The following UMAD1 variants were observed in gnomAD, a reference collection of about 807,000 sequenced individuals.
The protein encoded by UMAD1 is UBAP1-MVB12-associated (UMA)-domain containing protein 1.
Under a neutral mutation model 6.1 loss-of-function variants are expected in UMAD1, and 8 were observed. The ratio of observed to expected loss-of-function variants is 1.30; its 90% confidence interval spans 0.76 to 2.35. UMAD1 has a LOEUF of 2.35. Among genes scored for constraint, UMAD1 ranks in the 30% most tolerant of loss-of-function variants. UMAD1 has a pLI of 0.00. For synonymous variants in UMAD1, 56 were observed against 31.4 expected (o/e 1.78, Z -2.61); for missense variants, 130 against 78.4 (o/e 1.66, Z -2.49).
chr7:7,822,486 C>G (rs187724907), intron 3 of UMAD1, among the ~76,000 whole-genome samples: 1 of 151,902 alleles, frequency 6.6e-6, no homozygotes, highest in Non-Finnish European at 1.5e-5. Context: ...AATGAGAGAG[C>G]GCTTTTTAAA....
At chr7:7,745,756 C>G (rs938763845) in intron 2 of UMAD1, among the ~76,000 whole-genome samples, 1 of 152,214 alleles carries the variant, frequency 6.6e-6, no homozygotes, top group African/African-American at 2.4e-5. Context: ...AAAAAGTAGT[C>G]TAGTACGATG....
chr7:7,836,223 A>G (rs1783567333), intron 3 of UMAD1, among the ~76,000 whole-genome samples: 3 of 152,098 alleles, frequency 2.0e-5, no homozygotes, highest in African/African-American at 7.2e-5. Context: ...TTAGTGGTAA[A>G]CGTGTTTACA....
At chr7:7,859,282 G>A (rs1196169316) in intron 3 of UMAD1, among the ~76,000 whole-genome samples, 5 of 152,080 alleles carry the variant, frequency 3.3e-5, no homozygotes, top group East Asian at 3.8e-4. Flanking sequence ...TTTTTAGGCC[G>A]TGCTTATGAG....
chr7:7,789,801 A>G (rs1782534311), intron 2 of UMAD1, among the ~76,000 whole-genome samples: 1 of 152,292 alleles, frequency 6.6e-6, no homozygotes, highest in African/African-American at 2.4e-5. Context: ...TTAAAGCTAA[A>G]TAATATTCTA....
At chr7:7,665,492 T>TGAC (rs1403187548) in intron 1 of UMAD1, among the ~76,000 whole-genome samples, 1 of 152,238 alleles carries the variant, frequency 6.6e-6, no homozygotes, top group Admixed American at 6.5e-5. Flanking sequence ...AACTTACATG[T>TGAC]GACATCTAAT....
rs539688857 is a variant in UMAD1 at position 7,745,522 on chromosome 7, T to C, written c.83-56148T>C. Among the ~76,000 whole-genome samples the C allele has an allele frequency of 3.3e-5, 5 of 150,136 alleles. No homozygotes were observed. In the South Asian group the frequency reaches 1.1e-3, roughly 32 times the overall value. ...AGGAAGCATTTATTTTGGTATCTGC[T>C]AATGTACTAGACACTGTGACCAACT... On this transcript the variant is annotated intron_variant, in intron 2 of 3. Transcript: ENST00000682710.
At chr7:7,760,034 A>G (rs1055241449) in intron 2 of UMAD1, among the ~76,000 whole-genome samples, 1 of 152,134 alleles carries the variant, frequency 6.6e-6, no homozygotes, top group Non-Finnish European at 1.5e-5. Flanking sequence ...CCTGGCTTAC[A>G]AGGGTCAGTT....
chr7:7,715,642 TGAAAATAAAGATCCACAAATTTCCA>T (rs201465082), intron 2 of UMAD1, among the ~76,000 whole-genome samples: 2 of 152,206 alleles, frequency 1.3e-5, no homozygotes, highest in East Asian at 3.9e-4. Flanking sequence ...TTTTTAAAAA[TGAAAATAAAGATCCACAAATTTCCA>T]GAAAAAAATG....
intron 3 of UMAD1, among the ~76,000 whole-genome samples, chr7:7,874,881 C>T (rs927777541): frequency 2.0e-5 from 3 of 152,202 alleles, no homozygotes; most frequent in South Asian, 2.1e-4. Flanking sequence ...CTGATCTGGG[C>T]GCTGGTTGCT....
At chr7:7,666,193 T>C (rs1779451425) in intron 1 of UMAD1, among the ~76,000 whole-genome samples, 1 of 142,954 alleles carries the variant, frequency 7.0e-6, no homozygotes. Flanking sequence ...TTTTTGTTTG[T>C]TTGTTTGTTT....
chr7:7,828,888 T>G (rs144725858), intron 3 of UMAD1, among the ~76,000 whole-genome samples: 1 of 152,308 alleles, frequency 6.6e-6, no homozygotes, highest in Non-Finnish European at 1.5e-5. Flanking sequence ...ATTCAAAAGT[T>G]TGAACTCTAT....
intron 2 of UMAD1, among the ~76,000 whole-genome samples, chr7:7,674,423 TA>T (rs1779687694): frequency 6.6e-6 from 1 of 152,234 alleles, no homozygotes; most frequent in African/African-American, 2.4e-5. Flanking sequence ...TTCTCGTGGA[TA>T]AACTTTACTA....
chr7:7,812,863 C>T (rs1783047888), intron 3 of UMAD1, among the ~76,000 whole-genome samples: 1 of 149,788 alleles, frequency 6.7e-6, no homozygotes, highest in African/African-American at 2.5e-5. Context: ...TTTTGTCCTC[C>T]TTTGGTTTAT....
At chr7:7,876,233 G>T (rs779248785) in intron 3 of UMAD1, among the ~76,000 whole-genome samples, 3 of 152,164 alleles carry the variant, frequency 2.0e-5, no homozygotes, top group Admixed American at 6.5e-5. Flanking sequence ...GCAGAAGCAG[G>T]CTCGGTGTGC....
intron 1 of UMAD1, among the ~76,000 whole-genome samples, chr7:7,668,100 G>C (rs1696820927): frequency 1.3e-5 from 2 of 151,608 alleles, no homozygotes; most frequent in African/African-American, 2.4e-5. Context: ...TTTTTGTAGA[G>C]ACACGATTTC....
rs559349350 is a variant in UMAD1, at chr7:7,740,039, C to G, written c.83-61631C>G. On this transcript the variant is annotated intron_variant, in intron 2 of 3. Transcript: ENST00000682710. ...TATACAGTGAACCCTTTTTCCCCTT[C>G]AGATAGAAGCATGATTGTTAAAAGT... Among the ~76,000 whole-genome samples, 39 of 152,288 alleles carry G rather than the reference C, an allele frequency of 2.6e-4. 1 individual carries two copies. The South Asian group carries it at 5.6e-3, about 22-fold the overall frequency.
chr7:7,875,486 A>T (rs367604356), intron 3 of UMAD1, among the ~76,000 whole-genome samples: 1 of 152,242 alleles, frequency 6.6e-6, no homozygotes, highest in East Asian at 1.9e-4. Flanking sequence ...AAATAGACAC[A>T]ATAAAAAATG....
At chr7:7,757,995 G>A (rs1180520206) in intron 2 of UMAD1, among the ~76,000 whole-genome samples, 1 of 152,090 alleles carries the variant, frequency 6.6e-6, no homozygotes, top group African/African-American at 2.4e-5. Flanking sequence ...AGTAGAGGGA[G>A]GAATCTGGGA....
chr7:7,687,366 C>G (rs1417520538), intron 2 of UMAD1: 1 of 152,182 alleles, frequency 6.6e-6, no homozygotes, highest in African/African-American at 2.4e-5. Context: ...ACTTGTAATT[C>G]TTTTGCTGAC....
Sources: allele counts gnomAD v4.1 joint callset (sites outside exome capture counted in the v4.1 genomes callset), GRCh38; gene constraint gnomAD v4.1.1; transcripts MANE v1.5; gene names NCBI Gene and HGNC (gene_info 2026-07-23, HGNC 2026-07-21).